The following DIS3L2 variants were observed in gnomAD, a reference collection of about 807,000 sequenced individuals.
DIS3L2 encodes the protein DIS3-like exonuclease 2.
A neutral mutation model predicts 97.5 loss-of-function variants in DIS3L2; 34 were observed. The observed-to-expected ratio is 0.35, with a 90% CI of 0.27 to 0.46. DIS3L2 has a LOEUF of 0.46. Among genes scored for constraint, DIS3L2 ranks in the 20% least tolerant of loss-of-function variants. The pLI, the probability that DIS3L2 is intolerant of heterozygous loss-of-function variation, is 1.00. For synonymous variants in DIS3L2, 435 were observed against 445.2 expected (o/e 0.98, Z 0.29); for missense variants, 1,038 against 1,146.0 (o/e 0.91, Z 1.36).
At position 232,056,366 on chromosome 2, in the gene DIS3L2, AAACAACAACAAC is replaced by A. The variant is rs147366104; in HGVS notation, c.366+26307_366+26318del. Among the ~76,000 whole-genome samples the A allele has an allele frequency of 1.2e-3, 173 of 149,152 alleles. 1 individual carries two copies. In the Middle Eastern group the frequency reaches 0.028, roughly 24 times the overall value. On this transcript the variant is annotated intron_variant, in intron 5 of 20. Transcript: ENST00000325385. ...GGTGACAGAGCAAGACTCCATCTCA[AAACAACAACAAC>A]AACAACAACAACAACAACAAACAAA...
intron 9 of DIS3L2, among the ~76,000 whole-genome samples, chr2:232,196,106 T>C (rs77060225): frequency 0.081 from 12,348 of 152,126 alleles, 1,319 homozygotes; most frequent in East Asian, 0.51. Context: ...TTTATAATTA[T>C]AAATTTTATA....
At chr2:232,103,707 G>T (rs1396523186) in intron 6 of DIS3L2, among the ~76,000 whole-genome samples, 1 of 152,072 alleles carries the variant, frequency 6.6e-6, no homozygotes, top group Non-Finnish European at 1.5e-5. Flanking sequence ...TCATTGCCTT[G>T]GAATAGTTAC....
At chr2:232,240,689 A>G (rs1290824342) in intron 11 of DIS3L2, among the ~76,000 whole-genome samples, 7 of 152,146 alleles carry the variant, frequency 4.6e-5, no homozygotes, top group Admixed American at 2.6e-4. Context: ...CACAATGTCT[A>G]TGACACCTGA....
At chr2:232,186,100 G>T (rs1691423397) in intron 9 of DIS3L2, among the ~76,000 whole-genome samples, 1 of 152,034 alleles carries the variant, frequency 6.6e-6, no homozygotes, top group African/African-American at 2.4e-5. Flanking sequence ...CAAAGTGCTG[G>T]GATTATAGGC....
chr2:232,046,540 G>A (rs973020052), intron 5 of DIS3L2, among the ~76,000 whole-genome samples: 9 of 152,188 alleles, frequency 5.9e-5, no homozygotes, highest in Admixed American at 5.9e-4. Context: ...TGGTCCTGGA[G>A]GAGAGTCATG....
At chr2:232,001,525 G>A (rs930174009) in intron 1 of DIS3L2, among the ~76,000 whole-genome samples, 1 of 140,492 alleles carries the variant, frequency 7.1e-6, no homozygotes, top group Non-Finnish European at 1.5e-5. Flanking sequence ...TTGCTTAACA[G>A]AGTCTTCTTA....
chr2:232,131,064 G>C (rs1193337477), intron 7 of DIS3L2: 1 of 217,728 alleles, frequency 4.6e-6, no homozygotes, highest in South Asian at 1.7e-4. Context: ...TATGAATATA[G>C]ACTCTCTTCA....
chr2:232,079,599 C>CAAAAAAA (rs760870721), intron 5 of DIS3L2, among the ~76,000 whole-genome samples: 2 of 29,614 alleles, frequency 6.8e-5, no homozygotes, highest in Non-Finnish European at 1.1e-4. Flanking sequence ...GACTCTATCT[C>CAAAAAAA]AAAAAAAAAA....
intron 17 of DIS3L2, 146 bp downstream of exon 17, chr2:232,334,133 TG>T: frequency 7.3e-7 from 1 of 1,362,788 alleles, no homozygotes; most frequent in Non-Finnish European, 9.7e-7. Context: ...GAGCCTGGCC[TG>T]GAAACTCTCC....
chr2:232,211,570 A>G (rs917115963), intron 10 of DIS3L2, among the ~76,000 whole-genome samples: 3 of 152,192 alleles, frequency 2.0e-5, no homozygotes, highest in Non-Finnish European at 2.9e-5. Context: ...TGGCCTTGGC[A>G]CTAACATGGC....
intron 1 of DIS3L2, among the ~76,000 whole-genome samples, chr2:231,974,425 G>T (rs1415961377): frequency 6.6e-6 from 1 of 151,170 alleles, no homozygotes; most frequent in African/African-American, 2.4e-5. Flanking sequence ...AATTTCTCTT[G>T]CTACATCTTG....
At chr2:232,184,515 G>T (rs902485300) in intron 9 of DIS3L2, among the ~76,000 whole-genome samples, 27 of 152,216 alleles carry the variant, frequency 1.8e-4, no homozygotes, top group African/African-American at 6.3e-4. Flanking sequence ...GCTGGGCGTG[G>T]TGGCATGTGC....
intron 5 of DIS3L2, among the ~76,000 whole-genome samples, chr2:232,032,055 T>C (rs1288904414): frequency 6.6e-6 from 1 of 152,238 alleles, no homozygotes; most frequent in African/African-American, 2.4e-5. Flanking sequence ...AAATGGTATT[T>C]CTAGTTCTAG....
intron 1 of DIS3L2, among the ~76,000 whole-genome samples, chr2:231,991,967 C>T (rs911576064): frequency 7.9e-5 from 12 of 152,166 alleles, no homozygotes; most frequent in African/African-American, 2.9e-4. Context: ...GAACCCTCAA[C>T]ACTTCACGTG....
At position 232,186,536 on chromosome 2, in the gene DIS3L2, A is replaced by G. The variant is rs141215828; in HGVS notation, c.1124+22904A>G. Among the ~76,000 whole-genome samples, 348 of 152,336 alleles carry G rather than the reference A, an allele frequency of 2.3e-3. 1 individual carries two copies. Among genetic ancestry groups the G allele is most frequent in the Non-Finnish European group, 3.9e-3 (264 of 68,038 alleles). On this transcript the variant is annotated intron_variant, in intron 9 of 20. Coordinates refer to ENST00000325385, the MANE Select transcript of DIS3L2 (RefSeq NM_152383.5). Reference sequence around the variant, plus strand: ...TTGCTTGAAAATACAATAGGAGAGAACATTTCCCATCTGATTTTATGAAGC... The same window carrying G: ...TTGCTTGAAAATACAATAGGAGAGAGCATTTCCCATCTGATTTTATGAAGC...
At chr2:232,048,849 CT>C (rs1695321111) in intron 5 of DIS3L2, among the ~76,000 whole-genome samples, 2 of 152,116 alleles carry the variant, frequency 1.3e-5, no homozygotes, top group East Asian at 3.8e-4. Flanking sequence ...ACTCAAGTAG[CT>C]TAGTTACCTA....
At chr2:231,981,212 G>T (rs1240038973) in intron 1 of DIS3L2, among the ~76,000 whole-genome samples, 1 of 152,046 alleles carries the variant, frequency 6.6e-6, no homozygotes, top group Non-Finnish European at 1.5e-5. Flanking sequence ...CCAAAGATCT[G>T]GGATTATAGG....
chr2:232,012,752 G>T (rs1016392385), intron 1 of DIS3L2, among the ~76,000 whole-genome samples: 3 of 152,078 alleles, frequency 2.0e-5, no homozygotes, highest in Non-Finnish European at 2.9e-5. Context: ...CAGGGTAAGA[G>T]TGCCCAGGAC....
intron 13 of DIS3L2, among the ~76,000 whole-genome samples, chr2:232,298,337 A>G (rs1048044181): frequency 6.6e-6 from 1 of 152,232 alleles, no homozygotes; most frequent in African/African-American, 2.4e-5. Flanking sequence ...GAAAATTTCT[A>G]AGCAATGCAG....
Sources: gnomAD v4.1 joint callset for allele counts (sites outside exome capture counted in the v4.1 genomes callset) on GRCh38, gnomAD v4.1.1 for gene constraint, MANE v1.5 for transcripts, NCBI Gene and HGNC (gene_info 2026-07-23, HGNC 2026-07-21) for gene names.